The following ALDH5A1 variants were observed in gnomAD, a reference collection of about 807,000 sequenced individuals.
ALDH5A1 encodes the protein aldehyde dehydrogenase 5 family member A1.
ALDH5A1 carries 33 observed loss-of-function variants against 54.7 expected under a neutral mutation model. That is an observed-to-expected ratio of 0.60 (90% CI 0.46 to 0.81). ALDH5A1 has a LOEUF of 0.81. Among genes scored for constraint, ALDH5A1 ranks in the 30% least tolerant of loss-of-function variants. The probability of loss-of-function intolerance (pLI) is 0.00; values close to 1 mark genes in which losing one functional copy is unlikely to be tolerated. For synonymous variants in ALDH5A1, 294 were observed against 292.7 expected, an observed-to-expected ratio of 1.00 and a Z score of -0.05; for missense variants, 657 against 711.0, an observed-to-expected ratio of 0.92 and a Z score of 0.86.
At chr6:24,515,126 T>C in intron 4 of ALDH5A1, 41 bp from the exon 5 acceptor site, 1 of 1,544,938 alleles carries the variant, frequency 6.5e-7, no homozygotes, top group Non-Finnish European at 8.8e-7. Context: ...TTTTTTCAGT[T>C]TGGTAAATTG....
At chr6:24,503,066 T>C (rs1312462441) in intron 2 of ALDH5A1, among the ~76,000 whole-genome samples, 197 bp from the exon 3 acceptor site, 2 of 152,166 alleles carry the variant, frequency 1.3e-5, no homozygotes, top group African/African-American at 4.8e-5. Flanking sequence ...TGCAATGACT[T>C]GTGGTTTAGG....
At position 24,509,373 on chromosome 6, in the gene ALDH5A1, T is replaced by G. The variant is rs1159155705; in HGVS notation, c.726+4388T>G. Among the ~76,000 whole-genome samples, 1 of 152,196 alleles carries G rather than the reference T, an allele frequency of 6.6e-6. No individual in the cohort carries two copies. The highest frequency in any genetic ancestry group is 1.5e-5 in the Non-Finnish European group (1 of 68,014). On this transcript the variant is annotated intron_variant, in intron 4 of 9. Coordinates refer to ENST00000357578, the MANE Select transcript of ALDH5A1 (RefSeq NM_001080.3). The surrounding 1 kb of genome is among the most constrained non-coding windows in gnomAD (Gnocchi z 4.7). The stretch of plus-strand genomic sequence containing the variant: ...CCCAGCACCATTTGTTGAGGGAGGA[T>G]TCCCTCTTTCTCTATCTTGTGGAAT...
At chr6:24,513,697 T>C (rs781597711) in intron 4 of ALDH5A1, among the ~76,000 whole-genome samples, 1 of 152,180 alleles carries the variant, frequency 6.6e-6, no homozygotes, top group Non-Finnish European at 1.5e-5. Context: ...GCATCCCATG[T>C]ACTCACCTAC....
In ALDH5A1 at chr6:24,533,728, T is replaced by C; in HGVS notation, c.*16T>C. The C allele has an allele frequency of 6.2e-7, 1 of 1,609,374 alleles. No individual in the cohort carries two copies. The highest frequency in any genetic ancestry group is 1.3e-5 in the African/African-American group (1 of 74,878). On this transcript the variant is annotated 3_prime_UTR_variant, in exon 10 of 10. Coordinates refer to ENST00000357578, the MANE Select transcript of ALDH5A1 (RefSeq NM_001080.3). ...GGGCTTGTAGGATTCTTTGGTTCTT[T>C]AAAAAAATTTAAAAGGAGACTTATC...
intron 1 of ALDH5A1, among the ~76,000 whole-genome samples, chr6:24,501,963 A>G (rs1042037359): frequency 4.5e-4 from 60 of 133,398 alleles, no homozygotes; most frequent in Middle Eastern, 3.8e-3. Context: ...GTATGTGTGT[A>G]TATATATAAT....
At chr6:24,510,139 C>T (rs1264838419) in intron 4 of ALDH5A1, among the ~76,000 whole-genome samples, 5 of 151,970 alleles carry the variant, frequency 3.3e-5, no homozygotes, top group African/African-American at 4.8e-5. Flanking sequence ...AGTTGATTTC[C>T]AGCTTTATTC....
intron 4 of ALDH5A1, among the ~76,000 whole-genome samples, chr6:24,514,925 A>G (rs1759533800): frequency 6.6e-6 from 1 of 152,006 alleles, no homozygotes; most frequent in African/African-American, 2.4e-5. Context: ...GGCATGAGCC[A>G]CCATGTCCGG....
chr6:24,503,811 G>A (rs890847484), intron 3 of ALDH5A1, among the ~76,000 whole-genome samples: 4 of 152,094 alleles, frequency 2.6e-5, no homozygotes, highest in African/African-American at 7.2e-5. Flanking sequence ...CCATAGTTTG[G>A]AAAAAAGTGT....
rs796733718 is a variant in ALDH5A1, at chr6:24,505,132, T to C, written c.726+147T>C. 3.5e-6 allele frequency: 3 copies of C among 850,242 alleles called. No homozygotes were observed. The African/African-American group carries it at 5.0e-5, about 14-fold the overall frequency. 52.7% of individuals were successfully genotyped at this position (850,242 alleles called of 1,614,324 possible). On this transcript the variant is annotated intron_variant, in intron 4 of 9. Transcript: ENST00000357578. Reference sequence around the variant, plus strand: ...TGTGTATTAATCTACTGGTGATTACTTTAAGTCAGCTGTAGCTCTTTTGGG... The same window carrying C: ...TGTGTATTAATCTACTGGTGATTACCTTAAGTCAGCTGTAGCTCTTTTGGG...
chr6:24,522,743 G>C, intron 6 of ALDH5A1, 24 bp from the exon 7 acceptor site: 2 of 1,612,984 alleles, frequency 1.2e-6, no homozygotes, highest in East Asian at 4.5e-5. Context: ...AGACTGTGTG[G>C]GTTTGTTTTT....
chr6:24,536,551 T>C lies in ALDH5A1; in HGVS notation c.*2839T>C, dbSNP rs865841582. On this transcript the variant is annotated 3_prime_UTR_variant, in exon 10 of 10. Transcript: ENST00000357578. ...CCTGATCTAGACCAAGAGGGAGATA[T>C]TGACCTTACTTGCATTTATCCGGCA... is the stretch of plus-strand genomic sequence containing the variant. 2 of 152,236 alleles carry C rather than the reference T, an allele frequency of 1.3e-5. No homozygotes were observed. Among genetic ancestry groups the C allele is most frequent in the African/African-American group, 4.8e-5 (2 of 41,470 alleles). The allele number at this position is 152,236 out of a possible 1,614,324, so 9.4% of individuals were successfully genotyped here. A position where few individuals can be genotyped will look rare whatever the true frequency, so the allele number is the denominator to read the frequency against.
Position 24,534,942 on chromosome 6 carries a change from T to G in ALDH5A1, c.*1230T>G, listed in dbSNP as rs778833032. The G allele has an allele frequency of 2.1e-4, 32 of 152,238 alleles. No individual in the cohort carries two copies. Among genetic ancestry groups the G allele is most frequent in the Non-Finnish European group, 2.6e-4 (18 of 68,050 alleles). The allele number at this position is 152,238 out of a possible 1,614,324, so 9.4% of individuals were successfully genotyped here. A position where few individuals can be genotyped will look rare whatever the true frequency, so the allele number is the denominator to read the frequency against. ...CCTTGAATTTCAGGCACCTTTTATC[T>G]AATGAGAGTTTTTACAGCTCATCAT... is the stretch of plus-strand genomic sequence containing the variant. On this transcript the variant is annotated 3_prime_UTR_variant, in exon 10 of 10. Coordinates refer to ENST00000357578, the MANE Select transcript of ALDH5A1 (RefSeq NM_001080.3).
intron 4 of ALDH5A1, among the ~76,000 whole-genome samples, chr6:24,510,833 T>G (rs1759444774): frequency 6.6e-6 from 1 of 152,236 alleles, no homozygotes; most frequent in African/African-American, 2.4e-5. Flanking sequence ...GAGGTACTAT[T>G]CCAGTCATCA....
chr6:24,508,391 T>C (rs12203339), intron 4 of ALDH5A1, among the ~76,000 whole-genome samples: 1 of 25,054 alleles, frequency 4.0e-5, no homozygotes, highest in Non-Finnish European at 1.3e-4. Context: ...AAAAAAAAGA[T>C]TAATAGTCTC....
intron 8 of ALDH5A1, among the ~76,000 whole-genome samples, chr6:24,531,260 C>T (rs1759930963): frequency 6.6e-6 from 1 of 152,162 alleles, no homozygotes; most frequent in Non-Finnish European, 1.5e-5. Context: ...CCTTGAAGAA[C>T]TTTCATCTTC....
At chr6:24,497,157 C>T (rs2817214) in intron 1 of ALDH5A1, among the ~76,000 whole-genome samples, 39,604 of 152,022 alleles carry the variant, frequency 0.26, 5,570 homozygotes, top group Non-Finnish European at 0.31. Flanking sequence ...TTCCACAGCG[C>T]GGAAGGGGAC....
rs1561870201 is a variant in ALDH5A1, at chr6:24,504,908, G to GC, written c.651dup (p.Ala218ArgfsTer25). 6.2e-7 allele frequency: 1 copy of GC among 1,614,192 alleles called. No individual in the cohort carries two copies. The highest frequency in any genetic ancestry group is 1.1e-5 in the South Asian group (1 of 91,084). On this transcript the variant is annotated frameshift_variant, in exon 4 of 10. Transcript: ENST00000357578. LOFTEE classifies it high-confidence loss of function. ...TGCCATGATCACCCGGAAGGTGGGGGCCGCCCTGGCAGCCGGCTGTACTGT... is the reference window on the plus strand; with the variant it reads ...TGCCATGATCACCCGGAAGGTGGGGGCCCGCCCTGGCAGCCGGCTGTACTGT...
At chr6:24,507,217 GT>G (rs1332584220) in intron 4 of ALDH5A1, among the ~76,000 whole-genome samples, 1 of 152,180 alleles carries the variant, frequency 6.6e-6, no homozygotes, top group African/African-American at 2.4e-5. Context: ...TCAGTCTGTA[GT>G]AGATTCCTTA....
rs1367644353 is a variant in ALDH5A1, at chr6:24,509,010, A to T, written c.726+4025A>T. 6.6e-6 allele frequency among the ~76,000 whole-genome samples: 1 copy of T among 152,018 alleles called. No individual in the cohort carries two copies. The highest frequency in any genetic ancestry group is 1.5e-5 in the Non-Finnish European group (1 of 68,010). ...TGTTTGAGTTTGTTGTAGATTCTGG[A>T]TATTAGTCCTTTGTCAGATGTATAG... On this transcript the variant is annotated intron_variant, in intron 4 of 9. Coordinates refer to ENST00000357578, the MANE Select transcript of ALDH5A1 (RefSeq NM_001080.3). This position sits in a 1 kb window ranked among gnomAD's most constrained non-coding sequence, Gnocchi z 4.7.
Sources: allele counts gnomAD v4.1 joint callset (sites outside exome capture counted in the v4.1 genomes callset), GRCh38; gene constraint gnomAD v4.1.1; non-coding constraint Gnocchi (gnomAD v3.1); transcripts MANE v1.5; gene names NCBI Gene and HGNC (gene_info 2026-07-23, HGNC 2026-07-21).